Variants in ST6GALNAC5 observed in about 807,000 individuals in gnomAD.
The protein encoded by ST6GALNAC5 is alpha-N-acetylgalactosaminide alpha-2,6-sialyltransferase 5.
In ST6GALNAC5, 27 loss-of-function variants were observed where a neutral mutation model predicts 33.6. The ratio of observed to expected loss-of-function variants is 0.80; its 90% CI spans 0.59 to 1.11. The LOEUF (loss-of-function observed/expected upper bound fraction) is 1.11, where lower values mean the gene tolerates loss of function less well. Among genes scored for constraint, ST6GALNAC5 ranks in the 50% least tolerant of loss-of-function variants. The probability of loss-of-function intolerance (pLI) is 0.00; values close to 1 mark genes in which losing one functional copy is unlikely to be tolerated. For missense variants in ST6GALNAC5, 428 were observed against 454.0 expected, an observed-to-expected ratio of 0.94 and a Z score of 0.52; for synonymous variants, 194 against 171.2, an observed-to-expected ratio of 1.13 and a Z score of -1.04.
intron 4 of ST6GALNAC5, among the ~76,000 whole-genome samples, chr1:77,060,694 G>GT (rs1226453447): frequency 2.0e-5 from 3 of 152,084 alleles, no homozygotes; most frequent in South Asian, 2.1e-4. Flanking sequence ...AGTCAGATAA[G>GT]TTTTTTTTCC....
At chr1:76,972,869 A>G (rs1648819417) in intron 2 of ST6GALNAC5, among the ~76,000 whole-genome samples, 1 of 152,200 alleles carries the variant, frequency 6.6e-6, no homozygotes, top group Admixed American at 6.5e-5. Flanking sequence ...TGAAACTAAG[A>G]ACAATAATTC....
intron 4 of ST6GALNAC5, among the ~76,000 whole-genome samples, chr1:77,060,996 AT>A (rs1652557811): frequency 6.6e-6 from 1 of 152,056 alleles, no homozygotes; most frequent in African/African-American, 2.4e-5. Flanking sequence ...ACAAATTCTT[AT>A]TTTTTTCTTC....
At chr1:76,898,434 G>A (rs927529931) in intron 2 of ST6GALNAC5, among the ~76,000 whole-genome samples, 5 of 152,194 alleles carry the variant, frequency 3.3e-5, no homozygotes, top group African/African-American at 1.2e-4. Context: ...AAGTCCTGTT[G>A]TGGGGTTTGA....
chr1:77,025,443 C>T (rs984556661), intron 2 of ST6GALNAC5, among the ~76,000 whole-genome samples: 2 of 151,738 alleles, frequency 1.3e-5, no homozygotes, highest in African/African-American at 2.4e-5. Context: ...TCACTTGAAC[C>T]CAGAAGGTGG....
At chr1:76,977,460 C>T (rs1016806479) in intron 2 of ST6GALNAC5, among the ~76,000 whole-genome samples, 2 of 152,152 alleles carry the variant, frequency 1.3e-5, no homozygotes, top group African/African-American at 2.4e-5. Flanking sequence ...AACCTCTCCC[C>T]GTCGTGCTAT....
At chr1:77,017,150 C>CAA (rs11304509) in intron 2 of ST6GALNAC5, among the ~76,000 whole-genome samples, 11 of 104,730 alleles carry the variant, frequency 1.1e-4, no homozygotes, top group Non-Finnish European at 1.5e-4. Context: ...CAGGAAAAGG[C>CAA]AAAAAAAAAA....
At chr1:76,886,632 C>T (rs1653902348) in intron 2 of ST6GALNAC5, among the ~76,000 whole-genome samples, 1 of 152,156 alleles carries the variant, frequency 6.6e-6, no homozygotes, top group East Asian at 1.9e-4. Context: ...TTAGATTGAA[C>T]AATCACTGGA....
chr1:77,041,977 T>C (rs1651845496), intron 2 of ST6GALNAC5, among the ~76,000 whole-genome samples: 1 of 152,224 alleles, frequency 6.6e-6, no homozygotes, highest in Non-Finnish European at 1.5e-5. Context: ...CTGCTTATTC[T>C]ACTGCACTGT....
intron 2 of ST6GALNAC5, among the ~76,000 whole-genome samples, chr1:76,967,711 G>C (rs2100359956): frequency 6.6e-6 from 1 of 152,136 alleles, no homozygotes; most frequent in South Asian, 2.1e-4. Context: ...GCTTTCTTGT[G>C]GGCAGTTAGT....
At chr1:76,991,278 G>C (rs901921525) in intron 2 of ST6GALNAC5, among the ~76,000 whole-genome samples, 1 of 152,118 alleles carries the variant, frequency 6.6e-6, no homozygotes, top group African/African-American at 2.4e-5. Flanking sequence ...GCAAATGTTG[G>C]CTTGCGGAAA....
chr1:76,869,973 C>T (rs191521115), intron 2 of ST6GALNAC5, among the ~76,000 whole-genome samples: 7 of 152,096 alleles, frequency 4.6e-5, no homozygotes, highest in African/African-American at 1.7e-4. Flanking sequence ...TCAAGGAAAG[C>T]TTCTTTGAAA....
chr1:76,867,762 T>C, intron 1 of ST6GALNAC5, 72 bp downstream of exon 1: 1 of 1,611,234 alleles, frequency 6.2e-7, no homozygotes, highest in East Asian at 2.2e-5. Flanking sequence ...GGACGCACCG[T>C]GGAGACTCCG....
At position 76,894,379 on chromosome 1, in the gene ST6GALNAC5, G is replaced by C. The variant is rs573685213; in HGVS notation, c.261+25637G>C. On this transcript the variant is annotated intron_variant, in intron 2 of 4. Transcript: ENST00000477717. The stretch of plus-strand genomic sequence containing the variant: ...CCACCCCTGTGGCAGCAATGTTTGC[G>C]AGCCTGAAGAGTTTTGTGTGGGGAG... Among the ~76,000 whole-genome samples, 3 of 152,200 alleles carry C rather than the reference G, an allele frequency of 2.0e-5. No homozygotes were observed. In the East Asian group the frequency reaches 5.8e-4, roughly 29 times the overall value.
chr1:76,931,231 C>T (rs113502339), intron 2 of ST6GALNAC5, among the ~76,000 whole-genome samples: 2,193 of 152,174 alleles, frequency 0.014, 51 homozygotes, highest in African/African-American at 0.049. Flanking sequence ...CTGGATTAAG[C>T]TTATAAGTGA....
At chr1:76,910,707 T>A (rs1042008973) in intron 2 of ST6GALNAC5, among the ~76,000 whole-genome samples, 1 of 152,100 alleles carries the variant, frequency 6.6e-6, no homozygotes, top group Admixed American at 6.6e-5. Flanking sequence ...GTGAATAAGA[T>A]GCATATTATC....
intron 2 of ST6GALNAC5, among the ~76,000 whole-genome samples, chr1:76,952,176 TC>T (rs1471954932): frequency 6.6e-6 from 1 of 152,114 alleles, no homozygotes. Flanking sequence ...TTTGCTTATT[TC>T]TATGATATAA....
chr1:76,983,840 A>G (rs567380300), intron 2 of ST6GALNAC5, among the ~76,000 whole-genome samples: 166 of 152,348 alleles, frequency 1.1e-3, no homozygotes, highest in Non-Finnish European at 1.7e-3. Flanking sequence ...TCAAATTAGA[A>G]CTCAGGATTA....
intron 2 of ST6GALNAC5, among the ~76,000 whole-genome samples, chr1:76,948,040 T>C (rs531077573): frequency 1.3e-5 from 2 of 152,224 alleles, no homozygotes; most frequent in East Asian, 1.9e-4. Flanking sequence ...AAAGAGCGAA[T>C]TGTTTAACAC....
intron 2 of ST6GALNAC5, among the ~76,000 whole-genome samples, chr1:76,933,699 G>A (rs894887039): frequency 1.3e-5 from 2 of 149,290 alleles, no homozygotes; most frequent in African/African-American, 2.5e-5. Context: ...CTGTGAACCC[G>A]GGAGAAGAGA....
Sources: allele counts gnomAD v4.1 joint callset (sites outside exome capture counted in the v4.1 genomes callset), GRCh38; gene constraint gnomAD v4.1.1; transcripts MANE v1.5; gene names NCBI Gene and HGNC (gene_info 2026-07-23, HGNC 2026-07-21).